The following NFXL1 variants were observed in gnomAD, a reference collection of about 807,000 sequenced individuals.
NFXL1 encodes nuclear transcription factor, X-box binding like 1, also known as NF-X1-type zinc finger protein NFXL1.
Under a neutral mutation model 123.3 loss-of-function variants are expected in NFXL1, and 66 were observed. That is an observed-to-expected ratio of 0.54 (90% confidence interval 0.44 to 0.66). NFXL1 has a LOEUF of 0.66. NFXL1 is among the 30% of genes least tolerant of loss of function. The probability of loss-of-function intolerance (pLI) is 0.00; values close to 1 mark genes in which losing one functional copy is unlikely to be tolerated. For synonymous variants in NFXL1, 346 were observed against 360.8 expected (o/e 0.96, Z 0.46); for missense variants, 944 against 1,125.6 (o/e 0.84, Z 2.31).
intron 15 of NFXL1, among the ~76,000 whole-genome samples, chr4:47,884,092 TGGAAA>T (rs1736279704): frequency 6.6e-6 from 1 of 152,164 alleles, no homozygotes; most frequent in South Asian, 2.1e-4. Context: ...GCACTCGCTA[TGGAAA>T]GCTAAGAAGG....
intron 4 of NFXL1, 56 bp downstream of exon 4, chr4:47,905,181 G>A: frequency 1.5e-6 from 1 of 687,128 alleles, no homozygotes; most frequent in Non-Finnish European, 2.6e-6. Context: ...AGTATTGTAA[G>A]GCAAACTAAG....
intron 10 of NFXL1, among the ~76,000 whole-genome samples, chr4:47,896,285 A>G (rs1737081474): frequency 6.6e-6 from 1 of 152,266 alleles, no homozygotes; most frequent in African/African-American, 2.4e-5. Context: ...AAGGCTTACC[A>G]TAAACCTTCA....
At chr4:47,850,298 T>C (rs1734052034) in intron 22 of NFXL1, among the ~76,000 whole-genome samples, 1 of 152,116 alleles carries the variant, frequency 6.6e-6, no homozygotes, top group Non-Finnish European at 1.5e-5. Flanking sequence ...ATTTACTACA[T>C]GAATTGTTTC....
intron 9 of NFXL1, among the ~76,000 whole-genome samples, chr4:47,897,691 T>G (rs77279815): frequency 0.16 from 24,732 of 152,134 alleles, 2,662 homozygotes; most frequent in Admixed American, 0.25. Context: ...TCCACCATTA[T>G]AGTATCACAC....
At position 47,907,118 on chromosome 4, in the gene NFXL1, A is replaced by G. The variant is rs149152532; in HGVS notation, c.407-1772T>C. Among the ~76,000 whole-genome samples the G allele has an allele frequency of 7.3e-3, 1,110 of 152,342 alleles. 3 individuals are homozygous for G. The highest frequency in any genetic ancestry group is 0.012 in the Admixed American group (181 of 15,302). On this transcript the variant is annotated intron_variant, in intron 3 of 22. Coordinates refer to ENST00000507489, the MANE Select transcript of NFXL1 (RefSeq NM_001278624.2). ...AAGGCTTGAAGTAGGCAATGACAGT[A>G]CACAGGCAGAGTAAGGGTAGATTTA... is the stretch of plus-strand genomic sequence containing the variant.
chr4:47,884,637 T>C (rs1396463277), intron 14 of NFXL1, among the ~76,000 whole-genome samples, 200 bp from the exon 15 acceptor site: 2 of 152,234 alleles, frequency 1.3e-5, no homozygotes, highest in Non-Finnish European at 2.9e-5. Flanking sequence ...CATTTGATAT[T>C]AATAACTGAG....
intron 22 of NFXL1, among the ~76,000 whole-genome samples, chr4:47,850,893 T>C (rs1577979182): frequency 1.3e-5 from 2 of 152,188 alleles, no homozygotes; most frequent in African/African-American, 4.8e-5. Context: ...AATTTGGGAA[T>C]ATATGAGATC....
chr4:47,907,924 T>C (rs1449498600), intron 3 of NFXL1, among the ~76,000 whole-genome samples: 6 of 152,234 alleles, frequency 3.9e-5, no homozygotes, highest in African/African-American at 1.2e-4. Flanking sequence ...GAGTTACTTT[T>C]TATCAATTCT....
At chr4:47,850,907 T>C (rs1425341874) in intron 22 of NFXL1, 188 bp downstream of exon 22, 6 of 543,976 alleles carry the variant, frequency 1.1e-5, no homozygotes, top group African/African-American at 3.8e-5. Flanking sequence ...TGAGATCTCA[T>C]ACCTTTTCAG....
At chr4:47,879,951 T>C (rs967501860) in intron 15 of NFXL1, among the ~76,000 whole-genome samples, 11 of 152,082 alleles carry the variant, frequency 7.2e-5, no homozygotes, top group African/African-American at 2.4e-4. Flanking sequence ...AAATGTAAAA[T>C]GCAAAACTAT....
intron 16 of NFXL1, 32 bp from the exon 17 acceptor site, chr4:47,878,697 C>T (rs1202729425): frequency 2.1e-6 from 3 of 1,446,130 alleles, no homozygotes; most frequent in Non-Finnish European, 2.7e-6. Context: ...GCACAGCACA[C>T]ATTACTCAAA....
At chr4:47,903,895 A>T (rs2110104121) in intron 4 of NFXL1, among the ~76,000 whole-genome samples, 1 of 152,356 alleles carries the variant, frequency 6.6e-6, no homozygotes, top group Admixed American at 6.5e-5. Context: ...TACATAATTT[A>T]AAAGCTTAAG....
chr4:47,899,644 G>A, intron 5 of NFXL1, 96 bp from the exon 6 acceptor site: 3 of 741,928 alleles, frequency 4.0e-6, no homozygotes, highest in South Asian at 2.0e-5. Context: ...TGTTAAATTA[G>A]TTTTATGTTA....
chr4:47,908,442 C>T (rs971722324), intron 3 of NFXL1, among the ~76,000 whole-genome samples: 1 of 151,182 alleles, frequency 6.6e-6, no homozygotes, highest in African/African-American at 2.4e-5. Context: ...AAAAGACTAA[C>T]TCTCATGCTC....
chr4:47,877,526 C>T (rs73814604), intron 17 of NFXL1, among the ~76,000 whole-genome samples: 2,365 of 152,126 alleles, frequency 0.016, 67 homozygotes, highest in African/African-American at 0.054. Context: ...GGAAGCCATA[C>T]AGCAGCTACA....
chr4:47,899,683 G>A (rs866487713), intron 5 of NFXL1, 135 bp from the exon 6 acceptor site: 26 of 604,032 alleles, frequency 4.3e-5, no homozygotes, highest in African/African-American at 4.3e-4. Context: ...TTGTGTTAGT[G>A]AAAAAACAAG....
rs147497376 is a variant in NFXL1 at position 47,898,459 on chromosome 4, C to T, written c.1089+298G>A. Among the ~76,000 whole-genome samples the T allele has an allele frequency of 8.4e-4, 128 of 152,046 alleles. 3 individuals carry two copies. In the East Asian group the frequency reaches 0.022, roughly 26 times the overall value. ...TGGATTAATTCAAGAAGCAGGGAGGCGTGCTGGTTGAAGAGAGGGGAAAGA... is the reference window on the plus strand; with the variant it reads ...TGGATTAATTCAAGAAGCAGGGAGGTGTGCTGGTTGAAGAGAGGGGAAAGA... On this transcript the variant is annotated intron_variant, in intron 8 of 22. Transcript: ENST00000507489.
chr4:47,885,982 G>A lies in NFXL1; in HGVS notation c.1561C>T (p.Pro521Ser), dbSNP rs572568534. Reference protein sequence around the residue: ...VCHRGSCYPCPETVDVKCNCG... With the variant: ...VCHRGSCYPCSETVDVKCNCG... ...TTACACTTCACATCTACGGTTTCTG[G>A]GCAGGGATAGCAACTGCCTGAAAAA... Residue 521 changes from proline to serine, a missense_variant, in exon 13 of 23, where the codon CCA (proline) becomes TCA (serine). Pro to Ser is a moderately conservative substitution (Grantham distance 74). Around this residue, in one of 4 missense-constraint regions of NFXL1, gnomAD observed 296 missense variants for 395.1 expected, o/e 0.75. Coordinates refer to ENST00000507489, the MANE Select transcript of NFXL1 (RefSeq NM_001278624.2). 15 of 1,611,986 alleles carry A rather than the reference G, an allele frequency of 9.3e-6. No homozygotes were observed. In the African/African-American group the frequency reaches 1.9e-4, roughly 20 times the overall value.
Position 47,896,627 on chromosome 4 carries a change from C to T in NFXL1, c.1225G>A (p.Glu409Lys). 6.2e-7 allele frequency: 1 copy of T among 1,608,790 alleles called. No individual in the cohort carries two copies. Among genetic ancestry groups the T allele is most frequent in the Non-Finnish European group, 8.5e-7 (1 of 1,175,456 alleles). The change falls in exon 10 of 23, where the codon GAA becomes AAA. Residue 409 changes from glutamate (E) to lysine (K), a missense_variant. Coordinates refer to ENST00000507489, the MANE Select transcript of NFXL1 (RefSeq NM_001278624.2). ...QKSKFSLPCT[E>K]DVPTCGDSCD... ...CTGTCTCCACAAGTTGGTACATCTT[C>T]TGTACAAGGCAAAGAAAACTCTAAA...
Sources: gnomAD v4.1 joint callset for allele counts (sites outside exome capture counted in the v4.1 genomes callset) on GRCh38, gnomAD v4.1.1 for gene constraint, gnomAD v4.1.1 regional missense constraint, MANE v1.5 for transcripts, NCBI Gene and HGNC (gene_info 2026-07-23, HGNC 2026-07-21) for gene names.